The following SLC4A4 variants were observed in gnomAD, a reference collection of about 807,000 sequenced individuals.
The protein encoded by SLC4A4 is electrogenic sodium bicarbonate cotransporter 1.
Under a neutral mutation model 111.5 loss-of-function variants are expected in SLC4A4, and 27 were observed. That is an observed-to-expected ratio of 0.24 (90% CI 0.18 to 0.33). SLC4A4 has a LOEUF of 0.33. Ranked by LOEUF, SLC4A4 falls within the 10% of genes least tolerant of loss-of-function variation. The pLI is 1.00. For missense variants in SLC4A4, 909 were observed against 1,315.5 expected, an observed-to-expected ratio of 0.69 and a Z score of 4.78; for synonymous variants, 443 against 463.4, an observed-to-expected ratio of 0.96 and a Z score of 0.57.
At chr4:71,363,794 C>T (rs1320560336) in intron 6 of SLC4A4, among the ~76,000 whole-genome samples, 1 of 152,082 alleles carries the variant, frequency 6.6e-6, no homozygotes, top group African/African-American at 2.4e-5. Context: ...ATGTCCTGAC[C>T]AGAACCCAAA....
chr4:71,191,334 C>T (rs1745723994), intron 1 of SLC4A4, among the ~76,000 whole-genome samples: 1 of 152,194 alleles, frequency 6.6e-6, no homozygotes, highest in Non-Finnish European at 1.5e-5. Flanking sequence ...ACCAAAACAT[C>T]ATCTTGTTCT....
intron 1 of SLC4A4, among the ~76,000 whole-genome samples, chr4:71,227,117 C>T (rs572854126): frequency 6.6e-6 from 1 of 152,174 alleles, no homozygotes; most frequent in African/African-American, 2.4e-5. Context: ...GAGGAAGGAG[C>T]ATAGCTCTGC....
chr4:71,175,725 C>T (rs573805578), intron 2 of SLC4A4, among the ~76,000 whole-genome samples: 1 of 152,176 alleles, frequency 6.6e-6, no homozygotes, highest in South Asian at 2.1e-4. Context: ...GGAGGCCTGC[C>T]TGCCTCTGTA....
At chr4:71,200,094 TG>T (rs1362884003) in intron 1 of SLC4A4, among the ~76,000 whole-genome samples, 1 of 152,186 alleles carries the variant, frequency 6.6e-6, no homozygotes, top group African/African-American at 2.4e-5. Context: ...GGTGATTGTC[TG>T]GGGATGTGGG....
At chr4:71,215,464 C>G (rs1445874167) in intron 1 of SLC4A4, among the ~76,000 whole-genome samples, 1 of 152,194 alleles carries the variant, frequency 6.6e-6, no homozygotes, top group African/African-American at 2.4e-5. Context: ...ACTGATCCTC[C>G]AGGAAGGGTC....
At position 71,451,265 on chromosome 4, in the gene SLC4A4, G is replaced by A; in HGVS notation, c.1286G>A (p.Gly429Glu). ...TPHDGGHGGG[G>E]HGDCEELQRT... The stretch of plus-strand genomic sequence containing the variant: ...CATGATGGAGGTCACGGAGGAGGAG[G>A]ACATGGGGATTGTGAAGAATTGCAG... Residue 429 changes from glycine (G) to glutamate (E), a missense_variant, in exon 11 of 26, where the codon GGA becomes GAA. Physicochemically the swap from Gly to Glu is moderately conservative, Grantham distance 98. Coordinates refer to ENST00000264485, the MANE Select transcript of SLC4A4 (RefSeq NM_001098484.3). The A allele has an allele frequency of 6.2e-7, 1 of 1,613,196 alleles. No homozygotes were observed. Among genetic ancestry groups the A allele is most frequent in the Non-Finnish European group, 8.5e-7 (1 of 1,179,192 alleles).
At chr4:71,175,897 C>T (rs1350473991) in intron 2 of SLC4A4, among the ~76,000 whole-genome samples, 1 of 152,168 alleles carries the variant, frequency 6.6e-6, no homozygotes, top group African/African-American at 2.4e-5. Context: ...GGGTCCCTGC[C>T]CCCGAGTAAC....
chr4:71,397,245 A>G (rs1168925416), intron 6 of SLC4A4, among the ~76,000 whole-genome samples: 2 of 152,236 alleles, frequency 1.3e-5, no homozygotes, highest in Non-Finnish European at 2.9e-5. Context: ...ATTAGCATGT[A>G]TGTAAAGGGC....
rs1204720507 is a variant in SLC4A4 at position 71,257,836 on chromosome 4, C to A, written c.253+2437C>A. Among the ~76,000 whole-genome samples the A allele has an allele frequency of 1.1e-4, 17 of 152,304 alleles. No individual in the cohort carries two copies. The East Asian group carries it at 3.3e-3, about 29-fold the overall frequency. ...ATATAAATAGTAACTTGATGGGAGT[C>A]ATCTTTGATTCTTTCCTTGCTCTCA... On this transcript the variant is annotated intron_variant, in intron 3 of 25. Transcript: ENST00000264485.
At chr4:71,133,552 C>T (rs1235700574) in intron 2 of SLC4A4, among the ~76,000 whole-genome samples, 2 of 152,136 alleles carry the variant, frequency 1.3e-5, no homozygotes, top group African/African-American at 2.4e-5. Context: ...CCAGGGTAGT[C>T]GTATTCCTTA....
chr4:71,521,013 C>T (rs1272463585), intron 16 of SLC4A4, among the ~76,000 whole-genome samples: 2 of 152,080 alleles, frequency 1.3e-5, no homozygotes, highest in African/African-American at 2.4e-5. Context: ...TGAGCCACTG[C>T]ACCTGGTCTG....
intron 3 of SLC4A4, among the ~76,000 whole-genome samples, chr4:71,312,513 A>G (rs965084891): frequency 6.6e-6 from 1 of 152,244 alleles, no homozygotes; most frequent in African/African-American, 2.4e-5. Flanking sequence ...CATTGAGGTG[A>G]AAATCCTCAG....
At chr4:71,453,899 G>A (rs1725983974) in intron 12 of SLC4A4, among the ~76,000 whole-genome samples, 1 of 152,094 alleles carries the variant, frequency 6.6e-6, no homozygotes, top group South Asian at 2.1e-4. Flanking sequence ...GGAAAGGAAG[G>A]GAAGGAAATG....
intron 3 of SLC4A4, among the ~76,000 whole-genome samples, chr4:71,276,850 C>T (rs999978819): frequency 2.0e-5 from 3 of 151,824 alleles, no homozygotes; most frequent in African/African-American, 4.8e-5. Flanking sequence ...GAGTTCGAGA[C>T]CAGCCTGGGC....
At chr4:71,222,896 C>T (rs1332591235) in intron 1 of SLC4A4, among the ~76,000 whole-genome samples, 1 of 152,102 alleles carries the variant, frequency 6.6e-6, no homozygotes, top group Non-Finnish European at 1.5e-5. Flanking sequence ...TGCTAGCAGC[C>T]CTAGAGGGTC....
At chr4:71,071,641 T>C (rs1045453711) in intron 1 of SLC4A4, among the ~76,000 whole-genome samples, 7 of 152,168 alleles carry the variant, frequency 4.6e-5, no homozygotes, top group African/African-American at 1.7e-4. Flanking sequence ...TTTGAGCATG[T>C]GTGTTTGTGT....
intron 3 of SLC4A4, among the ~76,000 whole-genome samples, chr4:71,304,012 T>C (rs544861088): frequency 2.0e-5 from 3 of 152,314 alleles, no homozygotes; most frequent in Admixed American, 6.5e-5. Context: ...TTCATTCCCA[T>C]TCCATCGATG....
chr4:71,367,556 C>G (rs1385094174), intron 6 of SLC4A4, among the ~76,000 whole-genome samples: 2 of 152,124 alleles, frequency 1.3e-5, no homozygotes, highest in Non-Finnish European at 2.9e-5. Context: ...AAAACTTGGC[C>G]AGTATGATAA....
intron 3 of SLC4A4, among the ~76,000 whole-genome samples, chr4:71,307,017 A>G (rs1370996064): frequency 1.3e-5 from 2 of 152,220 alleles, no homozygotes; most frequent in Non-Finnish European, 1.5e-5. Context: ...TTAATGGTTA[A>G]CAAACTGTTT....
Sources: allele counts gnomAD v4.1 joint callset (sites outside exome capture counted in the v4.1 genomes callset), GRCh38; gene constraint gnomAD v4.1.1; transcripts MANE v1.5; gene names NCBI Gene and HGNC (gene_info 2026-07-23, HGNC 2026-07-21).